ZNF536: variants seen among roughly 807,000 people sequenced by gnomAD.
ZNF536 encodes zinc finger protein 536.
ZNF536 carries 13 observed loss-of-function variants against 84.5 expected under a neutral mutation model. The observed-to-expected ratio is 0.15, with a 90% CI of 0.10 to 0.24. The LOEUF (loss-of-function observed/expected upper bound fraction) is 0.24. Among genes scored for constraint, ZNF536 ranks in the 10% least tolerant of loss-of-function variants. The pLI is 1.00. For synonymous variants in ZNF536, 811 were observed against 742.5 expected (o/e 1.09, Z -1.50); for missense variants, 1,536 against 1,747.5 (o/e 0.88, Z 2.16).
chr19:30,393,455 T>C (rs1253100090), intron 1 of ZNF536, among the ~76,000 whole-genome samples: 6 of 152,220 alleles, frequency 3.9e-5, no homozygotes. Context: ...TTGATCCCTC[T>C]CTTTATGGAG....
intron 1 of ZNF536, among the ~76,000 whole-genome samples, chr19:30,385,438 C>G (rs547221448): frequency 9.2e-5 from 14 of 152,192 alleles, no homozygotes; most frequent in Admixed American, 9.2e-4. Context: ...GGGTAACGAC[C>G]GTTACCCTGG....
chr19:30,613,536 T>A (rs1208063673), intron 1 of ZNF536, among the ~76,000 whole-genome samples: 1 of 152,218 alleles, frequency 6.6e-6, no homozygotes, highest in African/African-American at 2.4e-5. Flanking sequence ...TGACTGTCAA[T>A]ATTTTGTTGC....
At chr19:30,618,115 C>A (rs535476159) in intron 1 of ZNF536, among the ~76,000 whole-genome samples, 2 of 152,244 alleles carry the variant, frequency 1.3e-5, no homozygotes, top group African/African-American at 4.8e-5. Context: ...TTGGTGATTT[C>A]TGCTTTTTAA....
intron 2 of ZNF536, among the ~76,000 whole-genome samples, chr19:30,465,253 G>A (rs962900694): frequency 1.3e-5 from 2 of 152,104 alleles, no homozygotes; most frequent in Non-Finnish European, 1.5e-5. Flanking sequence ...TGCTCTCCCC[G>A]CAGACCATCC....
At chr19:30,364,032 T>C (rs543166586) in intron 3 of ZNF536, among the ~76,000 whole-genome samples, 9 of 152,264 alleles carry the variant, frequency 5.9e-5, no homozygotes, top group Middle Eastern at 6.8e-3. Flanking sequence ...CTCTGTTTCA[T>C]TGGAACTTAG....
At chr19:30,539,111 G>A (rs1223828340) in intron 3 of ZNF536, among the ~76,000 whole-genome samples, 2 of 150,246 alleles carry the variant, frequency 1.3e-5, no homozygotes, top group East Asian at 3.9e-4. Flanking sequence ...AAGAAAAGGA[G>A]ATATGCACCC....
chr19:30,663,160 T>C (rs1323389473), intron 1 of ZNF536, among the ~76,000 whole-genome samples: 2 of 152,106 alleles, frequency 1.3e-5, no homozygotes, highest in Non-Finnish European at 2.9e-5. Flanking sequence ...GAAAACAGTG[T>C]CTAATTTCCT....
At chr19:30,490,000 C>T (rs2145074942) in intron 2 of ZNF536, among the ~76,000 whole-genome samples, 1 of 152,304 alleles carries the variant, frequency 6.6e-6, no homozygotes, top group Admixed American at 6.5e-5. Flanking sequence ...CCTACCAGGG[C>T]CAAGCATGTG....
intron 1 of ZNF536, among the ~76,000 whole-genome samples, chr19:30,283,751 G>T (rs2045535948): frequency 6.6e-6 from 1 of 152,160 alleles, no homozygotes; most frequent in Non-Finnish European, 1.5e-5. Flanking sequence ...GGGAGAGAGA[G>T]AGAGAGAGAG....
rs570711946 is a variant in ZNF536 at position 30,258,370 on chromosome 19, G to A, written c.-189-25702G>A. Among the ~76,000 whole-genome samples, 153 of 152,270 alleles carry A rather than the reference G, an allele frequency of 1.0e-3. 3 individuals are homozygous for A. Among genetic ancestry groups the A allele is most frequent in the African/African-American group, 3.4e-3 (142 of 41,548 alleles). ...ACCAGGTACAGCCCAGCATCTTGAGGTTTAACTTAAGAAAGGCATGCTCTA... is the reference window on the plus strand; with the variant it reads ...ACCAGGTACAGCCCAGCATCTTGAGATTTAACTTAAGAAAGGCATGCTCTA... On this transcript the variant is annotated intron_variant, in intron 1 of 5. Transcript: ENST00000585628.
chr19:30,438,836 G>A (rs969548189), intron 1 of ZNF536, among the ~76,000 whole-genome samples: 2 of 151,970 alleles, frequency 1.3e-5, no homozygotes, highest in Non-Finnish European at 2.9e-5. Flanking sequence ...GCATCACCAT[G>A]CCTGGCTAAT....
intron 1 of ZNF536, among the ~76,000 whole-genome samples, chr19:30,583,649 C>A (rs1055597195): frequency 3.3e-5 from 5 of 152,136 alleles, no homozygotes; most frequent in African/African-American, 1.2e-4. Flanking sequence ...GAAAGCAGTG[C>A]TTTCTGTACA....
intron 1 of ZNF536, among the ~76,000 whole-genome samples, chr19:30,267,064 A>T (rs1157412943): frequency 6.6e-6 from 1 of 152,228 alleles, no homozygotes; most frequent in Admixed American, 6.5e-5. Context: ...GAAGAAATGG[A>T]TCACTAATTT....
chr19:30,546,558 G>C (rs569895938), intron 3 of ZNF536, among the ~76,000 whole-genome samples: 1 of 152,172 alleles, frequency 6.6e-6, no homozygotes, highest in African/African-American at 2.4e-5. Context: ...CAAAGTCCAC[G>C]CCCCCAAATG....
At chr19:30,487,523 T>C (rs1167257327) in intron 2 of ZNF536, among the ~76,000 whole-genome samples, 2 of 152,140 alleles carry the variant, frequency 1.3e-5, no homozygotes, top group African/African-American at 4.8e-5. Flanking sequence ...TCAGTCTCTC[T>C]CTCTTTCTCT....
Position 30,228,725 on chromosome 19 carries a change from G to A in ZNF536, c.-190+52G>A, listed in dbSNP as rs1170238292. On this transcript the variant is annotated intron_variant, in intron 1 of 5. Transcript: ENST00000585628. The surrounding 1 kb of genome is among the most constrained non-coding windows in gnomAD (Gnocchi z 4.5). Reference sequence around the variant, plus strand: ...CGCCCCGGGGTGAGCGCGCAAAGCCGGGAGCGAGGTGCCGCGAGCTGCGCG... The same window carrying A: ...CGCCCCGGGGTGAGCGCGCAAAGCCAGGAGCGAGGTGCCGCGAGCTGCGCG... 1 of 151,198 alleles carries A rather than the reference G, an allele frequency of 6.6e-6. No homozygotes were observed. The highest frequency in any genetic ancestry group is 1.5e-5 in the Non-Finnish European group (1 of 67,790). 9.4% of individuals were successfully genotyped at this position (151,198 alleles called of 1,614,324 possible). A position where few individuals can be genotyped will look rare whatever the true frequency, so the allele number is the denominator to read the frequency against.
intron 2 of ZNF536, among the ~76,000 whole-genome samples, chr19:30,288,761 C>A (rs2045733855): frequency 6.6e-6 from 1 of 152,212 alleles, no homozygotes; most frequent in African/African-American, 2.4e-5. Flanking sequence ...GTGTGATGCA[C>A]TTAAAACACT....
Position 30,443,562 on chromosome 19 carries a change from G to C in ZNF536, c.-1G>C, listed in dbSNP as rs752581222. 6.5e-7 allele frequency: 1 copy of C among 1,532,188 alleles called. No individual in the cohort carries two copies. Among genetic ancestry groups the C allele is most frequent in the South Asian group, 1.3e-5 (1 of 76,958 alleles). 94.9% of individuals were successfully genotyped at this position (1,532,188 alleles called of 1,614,324 possible). ...TCTGAACTCTGCCTCTCTTTTCAGGGATGGAAGAAGCGAGCCTGTGCCTTG... is the reference window on the plus strand; with the variant it reads ...TCTGAACTCTGCCTCTCTTTTCAGGCATGGAAGAAGCGAGCCTGTGCCTTG... On this transcript the variant is annotated splice_region_variant and 5_prime_UTR_variant, in exon 2 of 5. Coordinates refer to ENST00000355537, the MANE Select transcript of ZNF536 (RefSeq NM_014717.3).
At chr19:30,348,814 C>CTTTTTTTTTT (rs5827705) in intron 2 of ZNF536, among the ~76,000 whole-genome samples, 3 of 132,666 alleles carry the variant, frequency 2.3e-5, no homozygotes, top group Non-Finnish European at 5.0e-5. Flanking sequence ...TTTTTCTTTT[C>CTTTTTTTTTT]TTTTTTTTTT....
Sources: gnomAD v4.1 joint callset for allele counts (sites outside exome capture counted in the v4.1 genomes callset) on GRCh38, gnomAD v4.1.1 for gene constraint, Gnocchi (gnomAD v3.1) non-coding constraint, MANE v1.5 for transcripts, NCBI Gene and HGNC (gene_info 2026-07-23, HGNC 2026-07-21) for gene names.